The following LYN variants were observed in gnomAD, a reference collection of about 807,000 sequenced individuals.
LYN encodes the protein LYN proto-oncogene, Src family tyrosine kinase.
A neutral mutation model predicts 65.0 loss-of-function variants in LYN; 12 were observed. That is an observed-to-expected ratio of 0.18 (90% CI 0.12 to 0.30). The LOEUF (loss-of-function observed/expected upper bound fraction) is 0.30. Ranked by LOEUF, LYN falls within the 10% of genes least tolerant of loss-of-function variation. The pLI, the probability that LYN is intolerant of heterozygous loss-of-function variation, is 1.00. For missense variants in LYN, 380 were observed against 623.2 expected (o/e 0.61, Z 4.16); for synonymous variants, 222 against 221.2 (o/e 1.00, Z -0.03).
chr8:55,957,925 T>C (rs1018117874), intron 8 of LYN, among the ~76,000 whole-genome samples: 1 of 152,008 alleles, frequency 6.6e-6, no homozygotes. Context: ...CCAAACTGGG[T>C]GACAGAGTGA....
At chr8:55,927,166 T>A (rs544757460) in intron 1 of LYN, among the ~76,000 whole-genome samples, 1 of 152,376 alleles carries the variant, frequency 6.6e-6, no homozygotes, top group East Asian at 1.9e-4. Flanking sequence ...TTTTGACAAG[T>A]GTATAATGAC....
At chr8:55,993,509 G>A (rs10282821) in intron 10 of LYN, among the ~76,000 whole-genome samples, 23,353 of 152,218 alleles carry the variant, frequency 0.15, 2,283 homozygotes, top group East Asian at 0.25. Context: ...TGTTAGAATC[G>A]TGGACTTTGA....
At chr8:55,936,306 C>T (rs56103677) in intron 1 of LYN, among the ~76,000 whole-genome samples, 22,099 of 152,190 alleles carry the variant, frequency 0.15, 1,766 homozygotes, top group Middle Eastern at 0.29. Context: ...TCTGGAGCTT[C>T]CTCCACAGAA....
At chr8:55,952,584 C>T (rs1806982898) in intron 7 of LYN, among the ~76,000 whole-genome samples, 1 of 152,070 alleles carries the variant, frequency 6.6e-6, no homozygotes, top group Non-Finnish European at 1.5e-5. Context: ...AAAATAAAAG[C>T]AATTAATTAA....
At chr8:55,961,176 G>C (rs969442038) in intron 8 of LYN, among the ~76,000 whole-genome samples, 28 of 152,116 alleles carry the variant, frequency 1.8e-4, no homozygotes, top group African/African-American at 6.3e-4. Flanking sequence ...CCCTTTTGTG[G>C]TACGTGGGCA....
Position 55,953,881 on chromosome 8 carries a change from C to G in LYN, c.687C>G (p.Pro229=), listed in dbSNP as rs754163396. ...GATTGGAGAAGGCTTGTATTAGTCC[C>G]AAGCCACAGAAGCCATGGGATAAAG... The part of the protein sequence containing the change: ...CRRLEKACIS[P]KPQKPWDKDA... The change falls in exon 8 of 13, where the codon CCC becomes CCG. Residue 229 remains proline, a synonymous_variant. Transcript: ENST00000519728. The G allele has an allele frequency of 1.1e-5, 17 of 1,613,900 alleles. No individual in the cohort carries two copies. The highest frequency in any genetic ancestry group is 1.4e-5 in the Non-Finnish European group (16 of 1,179,980).
intron 12 of LYN, among the ~76,000 whole-genome samples, 169 bp downstream of exon 12, chr8:55,999,718 TC>T (rs1362723063): frequency 6.6e-6 from 1 of 152,234 alleles, no homozygotes; most frequent in East Asian, 1.9e-4. Flanking sequence ...ACGCCTGTAA[TC>T]CCAGCACTTT....
chr8:55,896,670 A>G (rs1341869916), intron 1 of LYN, among the ~76,000 whole-genome samples: 2 of 152,186 alleles, frequency 1.3e-5, no homozygotes, highest in Non-Finnish European at 2.9e-5. Flanking sequence ...AATTTTAAAA[A>G]AAAGAAACAT....
At chr8:55,998,077 C>G (rs1169533077) in intron 10 of LYN, among the ~76,000 whole-genome samples, 5 of 151,240 alleles carry the variant, frequency 3.3e-5, no homozygotes, top group Non-Finnish European at 7.4e-5. Context: ...GAGCGAGACT[C>G]CGTCTCAAGA....
At chr8:55,910,227 A>T (rs1285182171) in intron 1 of LYN, among the ~76,000 whole-genome samples, 1 of 152,096 alleles carries the variant, frequency 6.6e-6, no homozygotes, top group Non-Finnish European at 1.5e-5. Flanking sequence ...TGCCTAGACC[A>T]ATGTCCAGAA....
chr8:55,938,343 AAT>A (rs1048508263), intron 1 of LYN, among the ~76,000 whole-genome samples: 4 of 152,324 alleles, frequency 2.6e-5, no homozygotes, highest in African/African-American at 9.6e-5. Context: ...CTACGCATAA[AAT>A]ATGTCTTTAT....
At chr8:55,997,938 G>A (rs1808420572) in intron 10 of LYN, among the ~76,000 whole-genome samples, 1 of 152,072 alleles carries the variant, frequency 6.6e-6, no homozygotes, top group Non-Finnish European at 1.5e-5. Context: ...CAAAAAATTA[G>A]CCGGGCATGG....
chr8:55,942,744 C>T (rs1048928864), intron 2 of LYN, among the ~76,000 whole-genome samples: 29 of 148,226 alleles, frequency 2.0e-4, no homozygotes, highest in African/African-American at 7.3e-4. Context: ...AAGATTGCAC[C>T]ACTGCCCTCC....
At chr8:55,893,257 G>A (rs1176475227) in intron 1 of LYN, among the ~76,000 whole-genome samples, 2 of 152,092 alleles carry the variant, frequency 1.3e-5, no homozygotes, top group Non-Finnish European at 2.9e-5. Flanking sequence ...AAATTAGCTG[G>A]CATAAGCTAT....
chr8:55,961,609 C>G (rs949624947), intron 8 of LYN, among the ~76,000 whole-genome samples: 2 of 152,108 alleles, frequency 1.3e-5, no homozygotes, highest in African/African-American at 4.8e-5. Flanking sequence ...CTGATGACTT[C>G]CCCCCTAACC....
intron 1 of LYN, among the ~76,000 whole-genome samples, chr8:55,919,809 T>C (rs745955789): frequency 6.6e-6 from 1 of 151,898 alleles, no homozygotes; most frequent in Non-Finnish European, 1.5e-5. Context: ...TGAACGTGCA[T>C]TGGCTGAGGT....
intron 10 of LYN, among the ~76,000 whole-genome samples, chr8:55,973,776 T>A (rs1040052366): frequency 6.6e-6 from 1 of 152,234 alleles, no homozygotes. Flanking sequence ...GTGAGTTAAA[T>A]GTCAGTAAAA....
chr8:55,946,727 A>G (rs2130484474), intron 3 of LYN, among the ~76,000 whole-genome samples: 1 of 152,178 alleles, frequency 6.6e-6, no homozygotes, highest in East Asian at 1.9e-4. Flanking sequence ...CTCCATACCC[A>G]TTAAACAATA....
At chr8:55,898,578 C>T (rs1204717172) in intron 1 of LYN, among the ~76,000 whole-genome samples, 1 of 152,168 alleles carries the variant, frequency 6.6e-6, no homozygotes, top group East Asian at 1.9e-4. Flanking sequence ...TGTGAGCCAC[C>T]CACACCCAGC....
Sources: allele counts gnomAD v4.1 joint callset (sites outside exome capture counted in the v4.1 genomes callset), GRCh38; gene constraint gnomAD v4.1.1; transcripts MANE v1.5; gene names NCBI Gene and HGNC (gene_info 2026-07-23, HGNC 2026-07-21).